The following STK17B variants were observed in gnomAD, a reference collection of about 807,000 sequenced individuals.
The protein encoded by STK17B is serine/threonine-protein kinase 17B.
In STK17B, 21 loss-of-function variants were observed where a neutral mutation model predicts 42.0. That is an observed-to-expected ratio of 0.50 (90% CI 0.35 to 0.72). The LOEUF (loss-of-function observed/expected upper bound fraction) is 0.72. Among genes scored for constraint, STK17B ranks in the 30% least tolerant of loss-of-function variants. STK17B has a pLI of 0.00. For synonymous variants in STK17B, 143 were observed against 148.4 expected, an observed-to-expected ratio of 0.96 and a Z score of 0.26; for missense variants, 349 against 446.0, an observed-to-expected ratio of 0.78 and a Z score of 1.96.
intron 3 of STK17B, among the ~76,000 whole-genome samples, chr2:196,149,163 ATTTT>A (rs58482045): frequency 1.4e-5 from 2 of 143,634 alleles, no homozygotes; most frequent in African/African-American, 5.1e-5. Flanking sequence ...GATAACAGCT[ATTTT>A]TTTTTTTTTT....
upstream of STK17B, among the ~76,000 whole-genome samples, chr2:196,173,000 GGTTGTGT>G (rs1699966262): frequency 6.6e-6 from 1 of 151,938 alleles, no homozygotes; most frequent in Non-Finnish European, 1.5e-5. Flanking sequence ...GTGGTTTTGG[GGTTGTGT>G]GTTTAACTTT....
At chr2:196,166,911 A>G (rs1021487813) in intron 1 of STK17B, among the ~76,000 whole-genome samples, 1 of 152,170 alleles carries the variant, frequency 6.6e-6, no homozygotes, top group Non-Finnish European at 1.5e-5. Flanking sequence ...AGAAAATCAA[A>G]TTGTCTGTTT....
chr2:196,143,731 G>A, intron 4 of STK17B, 45 bp from the exon 5 acceptor site: 1 of 1,413,950 alleles, frequency 7.1e-7, no homozygotes, highest in Non-Finnish European at 9.3e-7. Flanking sequence ...ATACAAAAAA[G>A]CATACTAGTC....
chr2:196,145,609 G>A (rs1376465630), intron 4 of STK17B, among the ~76,000 whole-genome samples: 1 of 152,178 alleles, frequency 6.6e-6, no homozygotes, highest in Admixed American at 6.5e-5. Context: ...AAAATAAGAA[G>A]GTCCAGGATG....
chr2:196,148,409 G>A (rs1309708584), intron 3 of STK17B, among the ~76,000 whole-genome samples: 1 of 152,016 alleles, frequency 6.6e-6, no homozygotes, highest in Non-Finnish European at 1.5e-5. Context: ...ATATATTCCT[G>A]CAAAGACAGT....
chr2:196,171,557 C>G lies in STK17B; in HGVS notation c.-269G>C. On this transcript the variant is annotated 5_prime_UTR_variant, in exon 1 of 8. Transcript: ENST00000263955. The stretch of plus-strand genomic sequence containing the variant: ...CTGGCGACAGCAGCGGAGAGGACTA[C>G]CGAAGCTTGCAGTCGCGGTTTGAAA... 6.6e-6 allele frequency: 1 copy of G among 152,242 alleles called. No homozygotes were observed. Among genetic ancestry groups the G allele is most frequent in the Non-Finnish European group, 1.5e-5 (1 of 68,058 alleles). The allele number at this position is 152,242 out of a possible 1,614,324, so 9.4% of individuals were successfully genotyped here.
At chr2:196,166,037 A>T (rs1362887757) in intron 1 of STK17B, 1 of 152,238 alleles carries the variant, frequency 6.6e-6, no homozygotes, top group African/African-American at 2.4e-5. Flanking sequence ...GTTCTGAAAG[A>T]TCAATATGGG....
Position 196,162,351 on chromosome 2 carries a change from T to C in STK17B, c.122+911A>G, listed in dbSNP as rs1049424467. Among the ~76,000 whole-genome samples, 6 of 152,038 alleles carry C rather than the reference T, an allele frequency of 3.9e-5. No individual in the cohort carries two copies. The South Asian group carries it at 8.3e-4, about 21-fold the overall frequency. On this transcript the variant is annotated intron_variant, in intron 2 of 7. Transcript: ENST00000263955. ...TGACATAGAATCAGACTATGAAATATGAATTCATTCTTTTTGTTCAACTTA... is the reference window on the plus strand; with the variant it reads ...TGACATAGAATCAGACTATGAAATACGAATTCATTCTTTTTGTTCAACTTA...
Position 196,163,249 on chromosome 2 carries a change from A to G in STK17B, c.122+13T>C. The G allele has an allele frequency of 6.2e-7, 1 of 1,608,734 alleles. No homozygotes were observed. The highest frequency in any genetic ancestry group is 1.3e-5 in the African/African-American group (1 of 74,714). On this transcript the variant is annotated intron_variant, in intron 2 of 7. Transcript: ENST00000263955. ...TGAATTTAGATGGCATACACGTCAT[A>G]TGGTTTTCTTACCTCCCTAGCTCTT...
chr2:196,163,730 C>T (rs549971787), intron 1 of STK17B, among the ~76,000 whole-genome samples: 7 of 152,124 alleles, frequency 4.6e-5, no homozygotes, highest in Non-Finnish European at 8.8e-5. Flanking sequence ...TCATAAAACT[C>T]CATTCTTTAA....
chr2:196,166,001 C>T (rs1699870919), intron 1 of STK17B: 1 of 152,200 alleles, frequency 6.6e-6, no homozygotes, highest in African/African-American at 2.4e-5. Flanking sequence ...TCTGATAGCG[C>T]TCAGTTTCAC....
At chr2:196,167,407 T>C (rs555102333) in intron 1 of STK17B, among the ~76,000 whole-genome samples, 2 of 152,290 alleles carry the variant, frequency 1.3e-5, no homozygotes, top group Non-Finnish European at 2.9e-5. Context: ...AAAAAAGAAT[T>C]TGTAGGTATA....
intron 2 of STK17B, among the ~76,000 whole-genome samples, chr2:196,158,948 T>C (rs970732186): frequency 4.6e-5 from 7 of 151,100 alleles, no homozygotes; most frequent in Non-Finnish European, 8.8e-5. Flanking sequence ...CAGACGGAGG[T>C]TGCAGTGAGC....
chr2:196,140,958 C>T (rs926997319), intron 6 of STK17B, among the ~76,000 whole-genome samples: 8 of 152,166 alleles, frequency 5.3e-5, no homozygotes, highest in Non-Finnish European at 8.8e-5. Context: ...AGCATTTCAC[C>T]TTCATCATAA....
At chr2:196,171,684 GA>G (rs907941000), upstream of STK17B, 5 of 151,616 alleles carry the variant, frequency 3.3e-5, no homozygotes, top group African/African-American at 1.2e-4. Context: ...CACGTGACGG[GA>G]GGGGCGGGGC....
chr2:196,164,876 T>C (rs1251092876), intron 1 of STK17B, among the ~76,000 whole-genome samples: 1 of 152,206 alleles, frequency 6.6e-6, no homozygotes, highest in Admixed American at 6.5e-5. Flanking sequence ...CTACATCTCT[T>C]AGTCTTTGGG....
At chr2:196,171,744 C>A (rs1385300163), upstream of STK17B, among the ~76,000 whole-genome samples, 1 of 146,012 alleles carries the variant, frequency 6.8e-6, no homozygotes, top group Non-Finnish European at 1.5e-5. Context: ...TGAGAGGGTG[C>A]GGCGCCTGGC....
Position 196,163,369 on chromosome 2 carries a change from T to C in STK17B, c.15A>G (p.Arg5=), listed in dbSNP as rs1559416057. Residue 5 remains arginine (R), a synonymous_variant, in exon 2 of 8, where the codon AGA becomes AGG. Coordinates refer to ENST00000263955, the MANE Select transcript of STK17B (RefSeq NM_004226.4). ...GGCCTGAAATACTTCGGCAATCAAA[T>C]CTCCTCCTCGACATGTTAGGTGATT... MSRR[R]FDCRSISGLL... 2 of 1,596,868 alleles carry C rather than the reference T, an allele frequency of 1.3e-6. No homozygotes were observed. Among genetic ancestry groups the C allele is most frequent in the Non-Finnish European group, 8.5e-7 (1 of 1,175,476 alleles).
chr2:196,137,714 T>C lies in STK17B; in HGVS notation c.852A>G (p.Ala284=), dbSNP rs761258598. 5.0e-6 allele frequency: 8 copies of C among 1,609,876 alleles called. No homozygotes were observed. Among genetic ancestry groups the C allele is most frequent in the South Asian group, 1.1e-5 (1 of 90,346 alleles). The change falls in exon 8 of 8, where the codon GCA becomes GCG. Residue 284 remains alanine (A), a synonymous_variant. Transcript: ENST00000263955. ...LVKNPEKRPT[A]EICLSHSWLQ... ...GCCAAGAATGAGAAAGGCATATCTC[T>C]GCTGTTGGTCTTTTCCTTTGAAAGA...
Sources: allele counts gnomAD v4.1 joint callset (sites outside exome capture counted in the v4.1 genomes callset), GRCh38; gene constraint gnomAD v4.1.1; transcripts MANE v1.5; gene names NCBI Gene and HGNC (gene_info 2026-07-23, HGNC 2026-07-21).